The following VWC2L variants were observed in gnomAD, a reference collection of about 807,000 sequenced individuals.
The protein encoded by VWC2L is von Willebrand factor C domain-containing protein 2-like.
Under a neutral mutation model 21.6 loss-of-function variants are expected in VWC2L, and 10 were observed. The ratio of observed to expected loss-of-function variants is 0.46; its 90% CI spans 0.29 to 0.78. The LOEUF is 0.78. Among genes scored for constraint, VWC2L ranks in the 30% least tolerant of loss-of-function variants. The pLI, the probability that VWC2L is intolerant of heterozygous loss-of-function variation, is 0.10. For missense variants in VWC2L, 209 were observed against 277.1 expected, an observed-to-expected ratio of 0.75 and a Z score of 1.74; for synonymous variants, 96 against 94.3, an observed-to-expected ratio of 1.02 and a Z score of -0.10.
At chr2:214,441,480 G>A (rs1262428609) in intron 3 of VWC2L, among the ~76,000 whole-genome samples, 4 of 152,074 alleles carry the variant, frequency 2.6e-5, no homozygotes, top group African/African-American at 9.7e-5. Flanking sequence ...TTTTATTGAT[G>A]ATAATGTGGG....
intron 3 of VWC2L, among the ~76,000 whole-genome samples, chr2:214,503,638 A>T (rs890039905): frequency 1.3e-5 from 2 of 152,054 alleles, no homozygotes; most frequent in African/African-American, 4.8e-5. Flanking sequence ...GGCTAGAATA[A>T]ATCTCAGGAG....
Position 214,540,216 on chromosome 2 carries a change from T to C in VWC2L, c.521-35456T>C, listed in dbSNP as rs1237898483. Among the ~76,000 whole-genome samples, 4 of 152,286 alleles carry C rather than the reference T, an allele frequency of 2.6e-5. No individual in the cohort carries two copies. In the South Asian group the frequency reaches 6.2e-4, roughly 24 times the overall value. On this transcript the variant is annotated intron_variant, in intron 3 of 3. Coordinates refer to ENST00000312504, the MANE Select transcript of VWC2L (RefSeq NM_001080500.4). The stretch of plus-strand genomic sequence containing the variant: ...AATGAAATCCTCAGAAAGAAGATAA[T>C]AGATTGCACCATTAAAAATATTTAA...
chr2:214,427,650 G>A (rs1435410035), intron 2 of VWC2L, among the ~76,000 whole-genome samples: 1 of 152,108 alleles, frequency 6.6e-6, no homozygotes, highest in African/African-American at 2.4e-5. Context: ...CACACACAGA[G>A]GATTGGTTCC....
In VWC2L at chr2:214,567,547, TACACACACACACACAC is replaced by T. The variant is rs71409879; in HGVS notation, c.521-8091_521-8076del. Among the ~76,000 whole-genome samples, 118 of 119,942 alleles carry T rather than the reference TACACACACACACACAC, an allele frequency of 9.8e-4. 1 individual carries two copies. Among genetic ancestry groups the T allele is most frequent in the Middle Eastern group, 4.2e-3 (1 of 238 alleles). 78.7% of individuals were successfully genotyped at this position (119,942 alleles called of 152,430 possible). A position where few individuals can be genotyped will look rare whatever the true frequency, so the allele number is the denominator to read the frequency against. ...TCATCCATTCACCCCTTCATCCACA[TACACACACACACACAC>T]ACACACACACACACACACACACACA... On this transcript the variant is annotated intron_variant, in intron 3 of 3. Transcript: ENST00000312504.
intron 2 of VWC2L, among the ~76,000 whole-genome samples, chr2:214,421,883 A>ATTTTTTTTTTTTTTT (rs1574555783): frequency 2.2e-4 from 19 of 88,356 alleles, no homozygotes; most frequent in Admixed American, 1.3e-3. Flanking sequence ...TATTTCCTAC[A>ATTTTTTTTTTTTTTT]TCTTTTTTTT....
chr2:214,577,367 C>T lies in VWC2L; in HGVS notation c.*1547C>T, dbSNP rs1436604611. On this transcript the variant is annotated 3_prime_UTR_variant, in exon 4 of 4. Coordinates refer to ENST00000312504, the MANE Select transcript of VWC2L (RefSeq NM_001080500.4). ...TCGTTGGTGGGGGCTGTCCTGTGTG[C>T]TTTTAGGATGTTTAGCACCATCACT... 2.0e-5 allele frequency: 3 copies of T among 152,162 alleles called. No individual in the cohort carries two copies. Among genetic ancestry groups the T allele is most frequent in the Admixed American group, 6.6e-5 (1 of 15,260 alleles). 9.4% of individuals were successfully genotyped at this position (152,162 alleles called of 1,614,324 possible). A position where few individuals can be genotyped will look rare whatever the true frequency, so the allele number is the denominator to read the frequency against.
intron 3 of VWC2L, among the ~76,000 whole-genome samples, chr2:214,504,078 G>A (rs749387360): frequency 6.6e-6 from 1 of 152,182 alleles, no homozygotes; most frequent in African/African-American, 2.4e-5. Flanking sequence ...ATTGTAACTG[G>A]TTCTGTGTAC....
chr2:214,552,393 C>T (rs1689807803), intron 3 of VWC2L, among the ~76,000 whole-genome samples: 1 of 151,828 alleles, frequency 6.6e-6, no homozygotes, highest in Non-Finnish European at 1.5e-5. Context: ...TTTTTTTTCC[C>T]CACATCTCAC....
chr2:214,573,978 T>A (rs1690191073), intron 3 of VWC2L, among the ~76,000 whole-genome samples: 1 of 152,032 alleles, frequency 6.6e-6, no homozygotes, highest in African/African-American at 2.4e-5. Context: ...TCATCTCTAC[T>A]AAAAATACAA....
At chr2:214,461,774 G>GTTCCCTAAC (rs1703145243) in intron 3 of VWC2L, among the ~76,000 whole-genome samples, 1 of 152,182 alleles carries the variant, frequency 6.6e-6, no homozygotes, top group Non-Finnish European at 1.5e-5. Flanking sequence ...GCATGGTTAG[G>GTTCCCTAAC]AGGTAATGGC....
intron 3 of VWC2L, chr2:214,525,162 A>T (rs1352701399): frequency 6.6e-6 from 1 of 151,634 alleles, no homozygotes; most frequent in Admixed American, 6.6e-5. Context: ...TATCCGGTCC[A>T]TTTTTCTTCA....
chr2:214,521,276 T>A (rs555936181), intron 3 of VWC2L, among the ~76,000 whole-genome samples: 1 of 134,784 alleles, frequency 7.4e-6, no homozygotes, highest in African/African-American at 2.8e-5. Context: ...AATAAATAAA[T>A]AAAACTACCA....
intron 3 of VWC2L, among the ~76,000 whole-genome samples, chr2:214,532,632 A>G (rs893587919): frequency 1.6e-4 from 24 of 152,134 alleles, no homozygotes; most frequent in African/African-American, 5.8e-4. Flanking sequence ...GCAGGCTTTT[A>G]CAAAACTATC....
At chr2:214,422,041 C>T (rs1217238769) in intron 2 of VWC2L, among the ~76,000 whole-genome samples, 3 of 151,436 alleles carry the variant, frequency 2.0e-5, no homozygotes, top group Non-Finnish European at 2.9e-5. Context: ...AGGCGCGTGC[C>T]ACCATGCCCG....
chr2:214,422,839 A>G lies in VWC2L; in HGVS notation c.390+8256A>G, dbSNP rs138827133. Among the ~76,000 whole-genome samples, 318 of 152,330 alleles carry G rather than the reference A, an allele frequency of 2.1e-3. 3 individuals are homozygous for G. The highest frequency in any genetic ancestry group is 7.3e-3 in the African/African-American group (302 of 41,580). On this transcript the variant is annotated intron_variant, in intron 2 of 3. Coordinates refer to ENST00000312504, the MANE Select transcript of VWC2L (RefSeq NM_001080500.4). The stretch of plus-strand genomic sequence containing the variant: ...CAGCTCCTGAAAAAGTTTTCAGATG[A>G]CATTATTCTATGGCTGTATAAAGTT...
intron 2 of VWC2L, among the ~76,000 whole-genome samples, chr2:214,428,507 A>G (rs1362825359): frequency 6.6e-6 from 1 of 152,202 alleles, no homozygotes; most frequent in African/African-American, 2.4e-5. Context: ...AGGTTTATCA[A>G]GAAAGTACTC....
chr2:214,521,280 A>AAATAAATCAAT (rs1264716405), intron 3 of VWC2L, among the ~76,000 whole-genome samples: 5 of 146,970 alleles, frequency 3.4e-5, no homozygotes, highest in East Asian at 2.0e-4. Flanking sequence ...AATAAATAAA[A>AAATAAATCAAT]CTACCAAGTT....
At chr2:214,508,150 A>G (rs1242160229) in intron 3 of VWC2L, among the ~76,000 whole-genome samples, 4 of 151,722 alleles carry the variant, frequency 2.6e-5, no homozygotes, top group East Asian at 3.9e-4. Context: ...CTAATTTTTT[A>G]TATTTTTAGT....
intron 3 of VWC2L, among the ~76,000 whole-genome samples, chr2:214,499,659 A>T (rs1046386895): frequency 1.2e-4 from 19 of 152,240 alleles, no homozygotes; most frequent in African/African-American, 4.3e-4. Flanking sequence ...GATTTAAAAA[A>T]TTTTAAAAAA....
Sources: gnomAD v4.1 joint callset for allele counts (sites outside exome capture counted in the v4.1 genomes callset) on GRCh38, gnomAD v4.1.1 for gene constraint, MANE v1.5 for transcripts, NCBI Gene and HGNC (gene_info 2026-07-23, HGNC 2026-07-21) for gene names.